Variants in LINGO1 observed in about 807,000 individuals in gnomAD.
The protein encoded by LINGO1 is leucine rich repeat and Ig domain containing 1.
In LINGO1, 11 loss-of-function variants were observed where a neutral mutation model predicts 37.3. That is an observed-to-expected ratio of 0.29 (90% CI 0.19 to 0.49). The LOEUF (loss-of-function observed/expected upper bound fraction) is 0.49, where lower values mean the gene tolerates loss of function less well. LINGO1 is among the 20% of genes least tolerant of loss of function. The probability of loss-of-function intolerance (pLI) is 0.99; values close to 1 mark genes in which losing one functional copy is unlikely to be tolerated. For synonymous variants in LINGO1, 387 were observed against 403.0 expected (o/e 0.96, Z 0.48); for missense variants, 585 against 878.2 (o/e 0.67, Z 4.22).
At chr15:77,636,826 G>T (rs138982903), upstream of LINGO1, among the ~76,000 whole-genome samples, 1 of 152,076 alleles carries the variant, frequency 6.6e-6, no homozygotes, top group African/African-American at 2.4e-5. Flanking sequence ...TGCTGAGGCC[G>T]CTGTGTAATG....
At chr15:77,653,441 C>T (rs377665185) in intron 3 of LINGO1, among the ~76,000 whole-genome samples, 1 of 152,212 alleles carries the variant, frequency 6.6e-6, no homozygotes. Context: ...TCCAGACTAC[C>T]CCAGGCCCTC....
At chr15:77,719,777 C>A (rs1349678274) in intron 2 of LINGO1, among the ~76,000 whole-genome samples, 7 of 126,022 alleles carry the variant, frequency 5.6e-5, no homozygotes, top group Non-Finnish European at 1.2e-4. Context: ...CTCACACATA[C>A]ACAAACTCAC....
chr15:77,655,444 G>A (rs2074845245), intron 3 of LINGO1, among the ~76,000 whole-genome samples: 1 of 151,852 alleles, frequency 6.6e-6, no homozygotes, highest in Non-Finnish European at 1.5e-5. Context: ...ACATAGACAC[G>A]CTGGGTCCTA....
At chr15:77,695,793 G>A (rs1053916815) in intron 1 of LINGO1, among the ~76,000 whole-genome samples, 7 of 152,254 alleles carry the variant, frequency 4.6e-5, no homozygotes, top group African/African-American at 1.4e-4. Flanking sequence ...TCCCGAGGCC[G>A]GCTGGCAGCC....
chr15:77,763,127 C>T (rs1204280986), intron 1 of LINGO1, among the ~76,000 whole-genome samples: 1 of 152,222 alleles, frequency 6.6e-6, no homozygotes, highest in African/African-American at 2.4e-5. Flanking sequence ...TGAAGAGAAA[C>T]ATAATCCCCG....
chr15:77,678,257 G>C (rs1214525307), intron 2 of LINGO1, among the ~76,000 whole-genome samples: 4 of 152,178 alleles, frequency 2.6e-5, no homozygotes, highest in African/African-American at 9.7e-5. Context: ...GCGTGTGGCT[G>C]TGTAACCACT....
chr15:77,708,422 G>A (rs1370247592), intron 2 of LINGO1, among the ~76,000 whole-genome samples: 1 of 152,206 alleles, frequency 6.6e-6, no homozygotes, highest in East Asian at 1.9e-4. Context: ...TGAAGCCACA[G>A]GGTGGAAGTC....
At chr15:77,642,111 T>C (rs1021573327) in intron 3 of LINGO1, among the ~76,000 whole-genome samples, 72 of 152,308 alleles carry the variant, frequency 4.7e-4, no homozygotes, top group African/African-American at 1.7e-3. Flanking sequence ...CTCCTCCACC[T>C]CTGCCTTCCA....
At chr15:77,816,964 G>A (rs2077053037) in intron 1 of LINGO1, among the ~76,000 whole-genome samples, 1 of 127,394 alleles carries the variant, frequency 7.8e-6, no homozygotes. Context: ...AGGTGAAGAG[G>A]AAGAGGAGCT....
chr15:77,667,844 C>T (rs547031033), intron 3 of LINGO1: 9 of 152,318 alleles, frequency 5.9e-5, no homozygotes, highest in Admixed American at 5.9e-4. Context: ...AGGAGAGCTA[C>T]ACATGGAGAA....
intron 1 of LINGO1, among the ~76,000 whole-genome samples, chr15:77,760,598 T>C (rs1438448579): frequency 3.3e-5 from 5 of 152,202 alleles, no homozygotes; most frequent in Admixed American, 1.3e-4. Flanking sequence ...CCACGGTCCT[T>C]ATCAACCTGC....
chr15:77,723,528 T>C (rs552612770), intron 2 of LINGO1, among the ~76,000 whole-genome samples: 1 of 152,172 alleles, frequency 6.6e-6, no homozygotes, highest in Non-Finnish European at 1.5e-5. Context: ...CATCAACCCT[T>C]AGCACCACCT....
chr15:77,742,557 A>C (rs2076274822), intron 1 of LINGO1, among the ~76,000 whole-genome samples: 2 of 152,208 alleles, frequency 1.3e-5, no homozygotes, highest in African/African-American at 4.8e-5. Context: ...GTAAATCCAA[A>C]GCTGTTAACC....
At chr15:77,724,670 G>C (rs1339418769) in intron 2 of LINGO1, among the ~76,000 whole-genome samples, 1 of 152,208 alleles carries the variant, frequency 6.6e-6, no homozygotes, top group Admixed American at 6.5e-5. Context: ...ATGGATGAGG[G>C]GGAGGCACAT....
At chr15:77,714,664 G>A (rs1197297153) in intron 2 of LINGO1, among the ~76,000 whole-genome samples, 1 of 152,234 alleles carries the variant, frequency 6.6e-6, no homozygotes, top group Non-Finnish European at 1.5e-5. Context: ...CCTGGAGCGT[G>A]GCAGGCACTC....
upstream of LINGO1, among the ~76,000 whole-genome samples, chr15:77,698,357 G>A (rs1327395271): frequency 6.6e-6 from 1 of 152,222 alleles, no homozygotes; most frequent in Non-Finnish European, 1.5e-5. Flanking sequence ...AATTCAACAA[G>A]CATGTGTTGA....
intron 1 of LINGO1, among the ~76,000 whole-genome samples, chr15:77,769,196 C>T (rs1181994438): frequency 3.9e-5 from 6 of 152,252 alleles, no homozygotes; most frequent in African/African-American, 1.2e-4. Context: ...GGGAAGCCCC[C>T]ATTGGCTGCC....
At chr15:77,680,373 A>G in intron 2 of LINGO1, among the ~76,000 whole-genome samples, 1 of 152,234 alleles carries the variant, frequency 6.6e-6, no homozygotes, top group Non-Finnish European at 1.5e-5. Flanking sequence ...TATCCTACAA[A>G]ATCCCCACTG....
At chr15:77,638,084 G>C (rs951874996), upstream of LINGO1, among the ~76,000 whole-genome samples, 10 of 152,368 alleles carry the variant, frequency 6.6e-5, no homozygotes, top group Admixed American at 5.9e-4. Context: ...ATCTCACTGG[G>C]AATCCGGGGA....
Sources: allele counts gnomAD v4.1 joint callset (sites outside exome capture counted in the v4.1 genomes callset), GRCh38; gene constraint gnomAD v4.1.1; transcripts MANE v1.5; gene names NCBI Gene and HGNC (gene_info 2026-07-23, HGNC 2026-07-21).